The following RNF6 variants were observed in gnomAD, a reference collection of about 807,000 sequenced individuals.
RNF6 encodes E3 ubiquitin-protein ligase RNF6.
A neutral mutation model predicts 50.1 loss-of-function variants in RNF6; 21 were observed. That is an observed-to-expected ratio of 0.42 (90% CI 0.30 to 0.60). The LOEUF (loss-of-function observed/expected upper bound fraction) is 0.60. Among genes scored for constraint, RNF6 ranks in the 20% least tolerant of loss-of-function variants. The pLI is 0.20. For synonymous variants in RNF6, 255 were observed against 291.8 expected (o/e 0.87, Z 1.29); for missense variants, 698 against 838.2 (o/e 0.83, Z 2.07).
intron 4 of RNF6, among the ~76,000 whole-genome samples, chr13:26,216,591 CA>C (rs529347876): frequency 4.7e-4 from 72 of 152,132 alleles, no homozygotes; most frequent in African/African-American, 1.7e-3. Context: ...ATATAAAGTA[CA>C]AAACTTAATA....
intron 5 of RNF6, among the ~76,000 whole-genome samples, chr13:26,133,140 G>A (rs1011490534): frequency 5.3e-5 from 8 of 152,174 alleles, no homozygotes; most frequent in African/African-American, 1.7e-4. Flanking sequence ...GATACAGGAA[G>A]ACAGTGGATT....
chr13:26,160,989 C>T (rs1345687559), intron 5 of RNF6, among the ~76,000 whole-genome samples: 1 of 152,054 alleles, frequency 6.6e-6, no homozygotes, highest in Non-Finnish European at 1.5e-5. Context: ...ACCCTATCTC[C>T]AAAAACAGCC....
chr13:26,139,129 C>T (rs974759301), intron 5 of RNF6, among the ~76,000 whole-genome samples: 1 of 152,140 alleles, frequency 6.6e-6, no homozygotes, highest in Admixed American at 6.5e-5. Flanking sequence ...GCAAAGGACT[C>T]TGATGGGGGC....
rs763605133 is a variant in RNF6, at chr13:26,215,419, C to T, written c.463G>A (p.Val155Ile). The change falls in exon 5 of 5, where the codon GTA becomes ATA. Residue 155 changes from valine (V) to isoleucine (I), a missense_variant. Val to Ile is a conservative substitution (Grantham distance 29, BLOSUM62 3). Transcript: ENST00000381588. ...GEFRFSLEIH[V>I]NHENRGFEIH... is the part of the protein sequence containing the mutation. ...TCAAATCCTCTATTTTCATGATTTA[C>T]GTGGATTTCCAAACTAAACCGAAAC... The T allele has an allele frequency of 1.2e-5, 20 of 1,614,046 alleles. No individual in the cohort carries two copies. In the African/African-American group the frequency reaches 1.7e-4, roughly 14 times the overall value.
At chr13:26,176,535 C>A (rs1872966247) in intron 5 of RNF6, among the ~76,000 whole-genome samples, 2 of 152,184 alleles carry the variant, frequency 1.3e-5, no homozygotes, top group African/African-American at 4.8e-5. Context: ...ACCCCTAGTA[C>A]CTGTGAATGT....
chr13:26,163,134 C>G lies in RNF6; in HGVS notation n.769-30683G>C, dbSNP rs191842891. On this transcript the variant is annotated intron_variant and non_coding_transcript_variant, in intron 5 of 5. Transcript: ENST00000468480. ...GACCATCCTGGTTAACACGGTGAAA[C>G]CCTGTCTCTCTACTAAAAATACAAA... Among the ~76,000 whole-genome samples the G allele has an allele frequency of 5.5e-3, 830 of 151,906 alleles. 8 individuals are homozygous for G. Among genetic ancestry groups the G allele is most frequent in the African/African-American group, 0.019 (801 of 41,428 alleles).
At chr13:26,182,825 T>C (rs1873306250) in intron 5 of RNF6, among the ~76,000 whole-genome samples, 1 of 152,172 alleles carries the variant, frequency 6.6e-6, no homozygotes, top group Non-Finnish European at 1.5e-5. Context: ...AGAAAATCTG[T>C]TATTTTCAGA....
intron 5 of RNF6, among the ~76,000 whole-genome samples, chr13:26,180,849 C>T: frequency 6.6e-6 from 1 of 152,236 alleles, no homozygotes; most frequent in East Asian, 1.9e-4. Flanking sequence ...CAATATTCAC[C>T]AATGTGTTGT....
chr13:26,141,418 ACT>A (rs1870942320), intron 5 of RNF6, among the ~76,000 whole-genome samples: 1 of 88,850 alleles, frequency 1.1e-5, no homozygotes, highest in Admixed American at 1.5e-4. Flanking sequence ...ACAGAGCAAG[ACT>A]CTGTCAAAAA....
At chr13:26,160,544 C>CT (rs398022018) in intron 5 of RNF6, among the ~76,000 whole-genome samples, 30 of 24,306 alleles carry the variant, frequency 1.2e-3, no homozygotes, top group East Asian at 3.1e-3. Flanking sequence ...TCTTCTTCTT[C>CT]TTTTTTTTTT....
At chr13:26,200,715 A>T (rs142352209) in intron 5 of RNF6, among the ~76,000 whole-genome samples, 4 of 152,248 alleles carry the variant, frequency 2.6e-5, no homozygotes, top group South Asian at 2.1e-4. Context: ...TGAAATTCTT[A>T]ATAATTTTAC....
At chr13:26,144,076 C>T (rs1871103658) in intron 5 of RNF6, among the ~76,000 whole-genome samples, 2 of 152,188 alleles carry the variant, frequency 1.3e-5, no homozygotes, top group African/African-American at 2.4e-5. Context: ...ATGAGGAATC[C>T]TATCATATCA....
At chr13:26,185,802 A>T (rs1371043991) in intron 5 of RNF6, among the ~76,000 whole-genome samples, 2 of 152,158 alleles carry the variant, frequency 1.3e-5, no homozygotes, top group African/African-American at 4.8e-5. Context: ...AGAGGCCATG[A>T]TTCTAAACTT....
chr13:26,180,565 C>T (rs908946520), intron 5 of RNF6, among the ~76,000 whole-genome samples: 1 of 152,198 alleles, frequency 6.6e-6, no homozygotes, highest in Non-Finnish European at 1.5e-5. Flanking sequence ...CTGGTTTAGC[C>T]ATGAGTTAAG....
chr13:26,149,536 G>A (rs563613725), intron 5 of RNF6, among the ~76,000 whole-genome samples: 95 of 151,480 alleles, frequency 6.3e-4, no homozygotes, highest in African/African-American at 2.1e-3. Flanking sequence ...GCAGTGAGCC[G>A]AAATTGTGCC....
chr13:26,134,872 A>C (rs1408579113), intron 5 of RNF6, among the ~76,000 whole-genome samples: 1 of 152,150 alleles, frequency 6.6e-6, no homozygotes, highest in East Asian at 1.9e-4. Flanking sequence ...AATAGACTAC[A>C]TATGTTTCTG....
intron 5 of RNF6, among the ~76,000 whole-genome samples, chr13:26,137,169 T>C (rs2137545906): frequency 6.6e-6 from 1 of 152,264 alleles, no homozygotes; most frequent in East Asian, 1.9e-4. Flanking sequence ...TCACTAAAGC[T>C]TACCCAGTGC....
chr13:26,145,450 AGG>A (rs869057756), intron 5 of RNF6, among the ~76,000 whole-genome samples: 1 of 27,418 alleles, frequency 3.6e-5, no homozygotes. Flanking sequence ...AATCATGGGG[AGG>A]GGGGGGGACT....
intron 5 of RNF6, among the ~76,000 whole-genome samples, chr13:26,186,494 G>A (rs927019681): frequency 8.5e-5 from 13 of 152,196 alleles, no homozygotes; most frequent in Admixed American, 7.2e-4. Context: ...GGCAGTCAGC[G>A]GAGACGCTTC....
Sources: gnomAD v4.1 joint callset for allele counts (sites outside exome capture counted in the v4.1 genomes callset) on GRCh38, gnomAD v4.1.1 for gene constraint, MANE v1.5 for transcripts, NCBI Gene and HGNC (gene_info 2026-07-23, HGNC 2026-07-21) for gene names.